RPTOR: variants seen among roughly 807,000 people sequenced by gnomAD.
The protein encoded by RPTOR is regulatory associated protein of MTOR complex 1, also known as regulatory-associated protein of mTOR.
RPTOR carries 21 observed loss-of-function variants against 169.9 expected under a neutral mutation model. That is an observed-to-expected ratio of 0.12 (90% CI 0.09 to 0.18). The LOEUF (loss-of-function observed/expected upper bound fraction) is 0.18, where lower values mean the gene tolerates loss of function less well. Among genes scored for constraint, RPTOR ranks in the 10% least tolerant of loss-of-function variants. The pLI, the probability that RPTOR is intolerant of heterozygous loss-of-function variation, is 1.00. For synonymous variants in RPTOR, 732 were observed against 753.2 expected (o/e 0.97, Z 0.46); for missense variants, 1,133 against 1,855.9 (o/e 0.61, Z 7.16).
chr17:80,666,493 AG>A (rs1404355051), intron 3 of RPTOR, among the ~76,000 whole-genome samples: 2 of 152,154 alleles, frequency 1.3e-5, no homozygotes, highest in Non-Finnish European at 2.9e-5. Context: ...GAGTGTAGGA[AG>A]GGCGCAAGGA....
At chr17:80,640,986 T>TTGCTCCTCCTCATGCATGCGGCA (rs1313061787) in intron 2 of RPTOR, among the ~76,000 whole-genome samples, 1 of 152,258 alleles carries the variant, frequency 6.6e-6, no homozygotes, top group Non-Finnish European at 1.5e-5. Flanking sequence ...TGCGTTTACT[T>TTGCTCCTCCTCATGCATGCGGCA]TGCTCCTCCT....
chr17:80,561,239 T>TTATATATATATATA (rs775949956), intron 1 of RPTOR, among the ~76,000 whole-genome samples: 5 of 115,220 alleles, frequency 4.3e-5, no homozygotes, highest in African/African-American at 2.1e-4. Flanking sequence ...CCCGGCTAAT[T>TTATATATATATATA]TATATATATA....
chr17:80,732,641 A>C (rs2066402281), intron 5 of RPTOR, among the ~76,000 whole-genome samples: 2 of 152,224 alleles, frequency 1.3e-5, no homozygotes, highest in African/African-American at 4.8e-5. Context: ...TTCGTTCTTT[A>C]ATTACAATGT....
chr17:80,568,541 G>A (rs2064869947), intron 1 of RPTOR, among the ~76,000 whole-genome samples: 1 of 152,082 alleles, frequency 6.6e-6, no homozygotes, highest in Admixed American at 6.5e-5. Flanking sequence ...ATGTACCTTG[G>A]TGTAGTTTTC....
chr17:80,610,645 C>T (rs946916789), intron 1 of RPTOR, among the ~76,000 whole-genome samples: 2 of 152,138 alleles, frequency 1.3e-5, no homozygotes, highest in Non-Finnish European at 2.9e-5. Context: ...AGGGAAACTT[C>T]CTGATGTGAT....
chr17:80,647,566 G>A (rs2065605947), intron 3 of RPTOR, among the ~76,000 whole-genome samples: 1 of 151,338 alleles, frequency 6.6e-6, no homozygotes, highest in African/African-American at 2.4e-5. Flanking sequence ...AGAAGCAGAG[G>A]CCACACCTCT....
chr17:80,890,426 A>G (rs1404199489), intron 17 of RPTOR, among the ~76,000 whole-genome samples: 1 of 150,836 alleles, frequency 6.6e-6, no homozygotes, highest in Non-Finnish European at 1.5e-5. Flanking sequence ...GTGGTTTGCC[A>G]GGGGAGCCTG....
Position 80,544,890 on chromosome 17 carries a change from T to A in RPTOR, c.-740T>A, listed in dbSNP as rs902062017. The A allele has an allele frequency of 4.4e-6, 1 of 225,686 alleles. No homozygotes were observed. The highest frequency in any genetic ancestry group is 8.8e-6 in the Non-Finnish European group (1 of 113,082). The allele number at this position is 225,686 out of a possible 1,614,324, so 14.0% of individuals were successfully genotyped here. A position where few individuals can be genotyped will look rare whatever the true frequency, so the allele number is the denominator to read the frequency against. ...TGGGCTGATGAGATGAGTTTCACTG[T>A]AGCTCCAAACCAGAGGGCAAAGCTC... On this transcript the variant is annotated 5_prime_UTR_variant, in exon 1 of 34. Transcript: ENST00000306801.
chr17:80,870,036 A>AT (rs879896982), intron 13 of RPTOR, among the ~76,000 whole-genome samples: 1 of 152,190 alleles, frequency 6.6e-6, no homozygotes, highest in Non-Finnish European at 1.5e-5. Flanking sequence ...GTATCTGCTA[A>AT]TTAGCAAGAT....
chr17:80,846,880 C>G (rs146062576), intron 11 of RPTOR, among the ~76,000 whole-genome samples: 2,859 of 152,372 alleles, frequency 0.019, 41 homozygotes, highest in Non-Finnish European at 0.025. Flanking sequence ...TCAGCCAGTC[C>G]ATCATCCCCC....
rs1027155220 is a variant in RPTOR, at chr17:80,646,336, G to T, written c.348+2526G>T. ...CGGATGTCACAGGATACCTCTGACC[G>T]GCTCCCAGGTGTGAGCGTGGGGCTG... On this transcript the variant is annotated intron_variant, in intron 3 of 33. Coordinates refer to ENST00000306801, the MANE Select transcript of RPTOR (RefSeq NM_020761.3). This position sits in a 1 kb window ranked among gnomAD's most constrained non-coding sequence, Gnocchi z 5.0. 6.6e-6 allele frequency among the ~76,000 whole-genome samples: 1 copy of T among 152,106 alleles called. No homozygotes were observed. Among genetic ancestry groups the T allele is most frequent in the African/African-American group, 2.4e-5 (1 of 41,406 alleles).
rs377307427 is a variant in RPTOR, at chr17:80,668,598, C to T, written c.348+24788C>T. 2.2e-4 allele frequency among the ~76,000 whole-genome samples: 33 copies of T among 152,338 alleles called. No homozygotes were observed. In the South Asian group the frequency reaches 5.8e-3, roughly 27 times the overall value. On this transcript the variant is annotated intron_variant, in intron 3 of 33. Coordinates refer to ENST00000306801, the MANE Select transcript of RPTOR (RefSeq NM_020761.3). The stretch of plus-strand genomic sequence containing the variant: ...GACACCCCCGTCTCCCATGTTTGCA[C>T]GCCTCAGCAGTTCTCAGCCGTATGC...
intron 24 of RPTOR, among the ~76,000 whole-genome samples, chr17:80,929,615 G>T (rs931851527): frequency 6.6e-6 from 1 of 152,230 alleles, no homozygotes; most frequent in African/African-American, 2.4e-5. Flanking sequence ...GTTTTGCCCT[G>T]AGAGCATCTG....
chr17:80,885,833 G>A (rs1209371344), intron 17 of RPTOR, among the ~76,000 whole-genome samples: 2 of 152,172 alleles, frequency 1.3e-5, no homozygotes, highest in Non-Finnish European at 2.9e-5. Context: ...GAGCCACCGC[G>A]CCCGGCCAAA....
At chr17:80,634,154 CTGTGTGTG>C (rs774291587) in intron 2 of RPTOR, among the ~76,000 whole-genome samples, 1 of 115,246 alleles carries the variant, frequency 8.7e-6, no homozygotes, top group Non-Finnish European at 1.8e-5. Flanking sequence ...CGTGTGCGTA[CTGTGTGTG>C]TGTGCATACT....
intron 5 of RPTOR, among the ~76,000 whole-genome samples, chr17:80,743,805 C>T (rs2066516593): frequency 7.7e-6 from 1 of 130,664 alleles, no homozygotes; most frequent in African/African-American, 2.9e-5. Flanking sequence ...TAGCACAGCC[C>T]TGGCTACTAG....
At chr17:80,815,712 G>GA (rs1437128538) in intron 7 of RPTOR, among the ~76,000 whole-genome samples, 1 of 152,340 alleles carries the variant, frequency 6.6e-6, no homozygotes, top group East Asian at 1.9e-4. Context: ...GGTAATAAAA[G>GA]AAAAAGAAAG....
intron 12 of RPTOR, 69 bp from the exon 13 acceptor site, chr17:80,857,721 G>A (rs1257570571): frequency 9.3e-6 from 10 of 1,075,374 alleles, no homozygotes; most frequent in Admixed American, 3.5e-5. Flanking sequence ...CTGGTCCCGC[G>A]TGGCACCCCT....
At chr17:80,757,135 G>A (rs1477777923) in intron 6 of RPTOR, among the ~76,000 whole-genome samples, 1 of 152,180 alleles carries the variant, frequency 6.6e-6, no homozygotes, top group East Asian at 1.9e-4. Flanking sequence ...AAGGGAAATA[G>A]AGGCCCCAGT....
Sources: gnomAD v4.1 joint callset for allele counts (sites outside exome capture counted in the v4.1 genomes callset) on GRCh38, gnomAD v4.1.1 for gene constraint, Gnocchi (gnomAD v3.1) non-coding constraint, MANE v1.5 for transcripts, NCBI Gene and HGNC (gene_info 2026-07-23, HGNC 2026-07-21) for gene names.